GSTA1: variants seen among roughly 807,000 people sequenced by gnomAD.
GSTA1 encodes glutathione S-transferase A1.
Under a neutral mutation model 21.5 loss-of-function variants are expected in GSTA1, and 23 were observed. That is an observed-to-expected ratio of 1.07 (90% CI 0.77 to 1.52). The LOEUF is 1.52. Among genes scored for constraint, GSTA1 ranks in the 40% most tolerant of loss-of-function variants. The pLI is 0.00. For missense variants in GSTA1, 301 were observed against 264.2 expected, an observed-to-expected ratio of 1.14 and a Z score of -0.96; for synonymous variants, 125 against 90.0, an observed-to-expected ratio of 1.39 and a Z score of -2.20.
intron 3 of GSTA1, among the ~76,000 whole-genome samples, chr6:52,797,374 A>G (rs1319495767): frequency 6.6e-6 from 1 of 152,170 alleles, no homozygotes. Context: ...TTGTTCCTCT[A>G]GCAAATACTC....
In GSTA1 at chr6:52,794,205, A is replaced by G. The variant is rs17414159; in HGVS notation, c.334T>C (p.Cys112Arg). ...LGEMILLLPV[C>R]PPEEKDAKLA... ...TTGGCATCTTTTTCCTCAGGTGGAC[A>G]TACGGGCAGAAGGAGGATCATTTCA... The change falls in exon 5 of 7, where the codon TGT (cysteine) becomes CGT (arginine). Residue 112 changes from cysteine (C) to arginine (R), a missense_variant. Cys to Arg is a radical substitution (Grantham distance 180). Coordinates refer to ENST00000334575, the MANE Select transcript of GSTA1 (RefSeq NM_145740.5). The G allele has an allele frequency of 1.2e-6, 2 of 1,613,742 alleles. No individual in the cohort carries two copies. Among genetic ancestry groups the G allele is most frequent in the African/African-American group, 1.3e-5 (1 of 74,930 alleles).
At chr6:52,792,291 C>T (rs1353308499) in intron 6 of GSTA1, among the ~76,000 whole-genome samples, 1 of 152,080 alleles carries the variant, frequency 6.6e-6, no homozygotes, top group Non-Finnish European at 1.5e-5. Context: ...TGTGAGATAT[C>T]AACACAGATG....
chr6:52,800,320 C>A (rs540057150), intron 1 of GSTA1, among the ~76,000 whole-genome samples: 57 of 152,306 alleles, frequency 3.7e-4, no homozygotes, highest in Admixed American at 5.9e-4. Flanking sequence ...CTGTTAAAAA[C>A]CAAGGACTGA....
At chr6:52,802,263 A>C (rs886262276) in intron 1 of GSTA1, among the ~76,000 whole-genome samples, 1 of 152,232 alleles carries the variant, frequency 6.6e-6, no homozygotes, top group Non-Finnish European at 1.5e-5. Flanking sequence ...GAGTAAATTA[A>C]AGGAGTTACA....
rs200713431 is a variant in GSTA1, at chr6:52,794,231, C to T, written c.308G>A (p.Gly103Asp). 6 of 1,613,750 alleles carry T rather than the reference C, an allele frequency of 3.7e-6. No individual in the cohort carries two copies. In the Admixed American group the frequency reaches 5.0e-5, roughly 13 times the overall value. Residue 103 changes from glycine (G) to aspartate (D), a missense_variant, in exon 5 of 7, where the codon GGT becomes GAT. Coordinates refer to ENST00000334575, the MANE Select transcript of GSTA1 (RefSeq NM_145740.5). ...TACGGGCAGAAGGAGGATCATTTCA[C>T]CCAAATCTGCTATACCTTCTATATA... ...DMYIEGIADL[G>D]EMILLLPVCP...
At chr6:52,797,916 G>A (rs1195914055) in intron 2 of GSTA1, among the ~76,000 whole-genome samples, 1 of 152,168 alleles carries the variant, frequency 6.6e-6, no homozygotes, top group African/African-American at 2.4e-5. Flanking sequence ...GGACATCACT[G>A]GAGAAAAGGC....
At chr6:52,801,517 T>C (rs1763717169) in intron 1 of GSTA1, among the ~76,000 whole-genome samples, 1 of 152,250 alleles carries the variant, frequency 6.6e-6, no homozygotes, top group South Asian at 2.1e-4. Flanking sequence ...ATCCCCAAAC[T>C]AAACTCTCTT....
intron 5 of GSTA1, among the ~76,000 whole-genome samples, chr6:52,793,804 G>GTAT (rs1763513276): frequency 6.6e-6 from 1 of 152,198 alleles, no homozygotes; most frequent in Admixed American, 6.5e-5. Flanking sequence ...CAAAGTCCAT[G>GTAT]GGGTTCCATA....
At chr6:52,796,541 ATATTT>A (rs1763593333) in intron 3 of GSTA1, among the ~76,000 whole-genome samples, 3 of 34,286 alleles carry the variant, frequency 8.7e-5, no homozygotes, top group African/African-American at 2.1e-4. Flanking sequence ...ATATATATAT[ATATTT>A]TTTTTTTTTT....
chr6:52,793,001 G>A lies in GSTA1; in HGVS notation c.415-14C>T. 3.1e-6 allele frequency: 5 copies of A among 1,613,990 alleles called. No individual in the cohort carries two copies. The highest frequency in any genetic ancestry group is 4.2e-6 in the Non-Finnish European group (5 of 1,179,920). On this transcript the variant is annotated splice_polypyrimidine_tract_variant and intron_variant, in intron 5 of 6. Transcript: ENST00000334575. ...GCTCTTTAAGACCTGGAGAATGGGA[G>A]GAATCAGATCAGGAACACATGCACA... is the stretch of plus-strand genomic sequence containing the variant.
chr6:52,799,407 C>T, intron 1 of GSTA1, 110 bp from the exon 2 acceptor site: 1 of 709,150 alleles, frequency 1.4e-6, no homozygotes, highest in South Asian at 2.1e-5. Flanking sequence ...CTTCCTTCTT[C>T]ATGACTGTGT....
chr6:52,801,572 T>C (rs778537017), intron 1 of GSTA1, among the ~76,000 whole-genome samples: 1 of 152,166 alleles, frequency 6.6e-6, no homozygotes. Context: ...TGAAATTTTA[T>C]CTTACATAAT....
intron 1 of GSTA1, 115 bp from the exon 2 acceptor site, chr6:52,799,412 C>G: frequency 1.4e-6 from 1 of 691,116 alleles, no homozygotes; most frequent in East Asian, 2.9e-5. Flanking sequence ...TTCTTCATGA[C>G]TGTGTTGGAG....
rs1397033040 is a variant in GSTA1 at position 52,791,513 on chromosome 6, T to A, written c.*345A>T. On this transcript the variant is annotated 3_prime_UTR_variant, in exon 7 of 7. Transcript: ENST00000334575. ...AAAATGTCAGAAGTGCATTTCTACATTGACATTTTAATAGATTGTATGACA... is the reference window on the plus strand; with the variant it reads ...AAAATGTCAGAAGTGCATTTCTACAATGACATTTTAATAGATTGTATGACA... 2.6e-5 allele frequency among the ~76,000 whole-genome samples: 4 copies of A among 152,242 alleles called. No homozygotes were observed. The highest frequency in any genetic ancestry group is 9.6e-5 in the African/African-American group (4 of 41,460).
intron 1 of GSTA1, among the ~76,000 whole-genome samples, chr6:52,799,577 T>TA (rs1277313404): frequency 1.3e-5 from 2 of 152,172 alleles, no homozygotes; most frequent in Non-Finnish European, 2.9e-5. Context: ...GTATAGGAGT[T>TA]ATTGGAAGAG....
chr6:52,794,047 G>A (rs1763518033), intron 5 of GSTA1, 78 bp downstream of exon 5: 1 of 1,570,128 alleles, frequency 6.4e-7, no homozygotes, highest in Non-Finnish European at 8.7e-7. Flanking sequence ...GAAGATCAGT[G>A]ACCCAGGAAT....
In GSTA1 at chr6:52,794,294, A is replaced by T. The variant is rs772840321; in HGVS notation, c.273-28T>A. 4.4e-6 allele frequency: 7 copies of T among 1,597,410 alleles called. No individual in the cohort carries two copies. In the Admixed American group the frequency reaches 1.2e-4, roughly 28 times the overall value. On this transcript the variant is annotated intron_variant, in intron 4 of 6. Coordinates refer to ENST00000334575, the MANE Select transcript of GSTA1 (RefSeq NM_145740.5). ...GAAAGACAGAAACAACCAAATGGTC[A>T]AATACCTTTTGCCTTAGATTTTATA... is the stretch of plus-strand genomic sequence containing the variant.
Position 52,791,952 on chromosome 6 carries a change from G to C in GSTA1, c.575C>G (p.Pro192Arg). The C allele has an allele frequency of 6.2e-7, 1 of 1,613,858 alleles. No homozygotes were observed. The highest frequency in any genetic ancestry group is 2.2e-5 in the East Asian group (1 of 44,882). ...AGGCTGTAGAAACTTCTTCACTGTG[G>C]GCAGGTTGCTGATTCTGGTTTTCAG... Reference protein sequence around the residue: ...KALKTRISNLPTVKKFLQPGS... With the variant: ...KALKTRISNLRTVKKFLQPGS... Residue 192 changes from proline to arginine, a missense_variant, in exon 7 of 7, where the codon CCC becomes CGC. Pro to Arg is a moderately radical substitution (Grantham distance 103, BLOSUM62 -2). Coordinates refer to ENST00000334575, the MANE Select transcript of GSTA1 (RefSeq NM_145740.5).
chr6:52,800,764 C>T (rs951603199), intron 1 of GSTA1, among the ~76,000 whole-genome samples: 1 of 152,276 alleles, frequency 6.6e-6, no homozygotes, highest in East Asian at 1.9e-4. Context: ...GGAACAGTTG[C>T]GTTTTCTCTC....
Sources: gnomAD v4.1 joint callset for allele counts (sites outside exome capture counted in the v4.1 genomes callset) on GRCh38, gnomAD v4.1.1 for gene constraint, MANE v1.5 for transcripts, NCBI Gene and HGNC (gene_info 2026-07-23, HGNC 2026-07-21) for gene names.